Variants in SLC4A10 observed in about 807,000 individuals in gnomAD.
The protein encoded by SLC4A10 is sodium-driven chloride bicarbonate exchanger.
Under a neutral mutation model 137.7 loss-of-function variants are expected in SLC4A10, and 42 were observed. The observed-to-expected ratio is 0.30, with a 90% CI of 0.24 to 0.39. The LOEUF is 0.39. Among genes scored for constraint, SLC4A10 ranks in the 10% least tolerant of loss-of-function variants. SLC4A10 has a pLI of 1.00. For synonymous variants in SLC4A10, 474 were observed against 464.1 expected (o/e 1.02, Z -0.27); for missense variants, 925 against 1,355.0 (o/e 0.68, Z 4.98).
chr2:161,846,637 T>C (rs987825161), intron 4 of SLC4A10, among the ~76,000 whole-genome samples: 18 of 152,186 alleles, frequency 1.2e-4, no homozygotes, highest in Non-Finnish European at 8.8e-5. Context: ...AATATTACTC[T>C]GCAATAAAAA....
chr2:161,825,489 C>T (rs543348982), intron 3 of SLC4A10, among the ~76,000 whole-genome samples: 13 of 152,254 alleles, frequency 8.5e-5, no homozygotes, highest in African/African-American at 3.1e-4. Flanking sequence ...TCCTCTTCAT[C>T]CCCTAGGCAT....
intron 5 of SLC4A10, among the ~76,000 whole-genome samples, chr2:161,855,964 A>G (rs1261133119): frequency 6.6e-6 from 1 of 152,244 alleles, no homozygotes; most frequent in East Asian, 1.9e-4. Flanking sequence ...GTAGAGATGA[A>G]AAACTATATG....
chr2:161,731,501 T>TAAC (rs2046820078), intron 1 of SLC4A10, among the ~76,000 whole-genome samples: 1 of 152,202 alleles, frequency 6.6e-6, no homozygotes, highest in Non-Finnish European at 1.5e-5. Flanking sequence ...AGGGACAGTT[T>TAAC]TCTTCATAGC....
chr2:161,799,351 A>G (rs1286455249), intron 2 of SLC4A10, among the ~76,000 whole-genome samples: 1 of 151,906 alleles, frequency 6.6e-6, no homozygotes, highest in Non-Finnish European at 1.5e-5. Flanking sequence ...TGCCTTCTCA[A>G]CTGATAGCTA....
At chr2:161,922,289 A>G (rs771132125) in intron 15 of SLC4A10, among the ~76,000 whole-genome samples, 2 of 152,166 alleles carry the variant, frequency 1.3e-5, no homozygotes, top group Non-Finnish European at 2.9e-5. Context: ...TTACAAAGCT[A>G]CGATGCATAT....
In SLC4A10 at chr2:161,976,960, T is replaced by C. The variant is rs147216613; in HGVS notation, c.3344+84T>C. On this transcript the variant is annotated intron_variant, in intron 25 of 26. Coordinates refer to ENST00000446997, the MANE Select transcript of SLC4A10 (RefSeq NM_001178015.2). The stretch of plus-strand genomic sequence containing the variant: ...CATAAGCAAAAGAATAATATTAGTT[T>C]CCATCAAATTTAGATATAAAATATT... 620 of 675,582 alleles carry C rather than the reference T, an allele frequency of 9.2e-4. 2 individuals carry two copies. In the African/African-American group the frequency reaches 0.01, roughly 11 times the overall value. The allele number at this position is 675,582 out of a possible 1,614,324, so 41.8% of individuals were successfully genotyped here.
intron 10 of SLC4A10, among the ~76,000 whole-genome samples, chr2:161,888,812 C>T (rs2062602396): frequency 6.6e-6 from 1 of 152,110 alleles, no homozygotes. Context: ...CCAGAACTTC[C>T]AATACTATGT....
chr2:161,901,065 TCTC>T, intron 12 of SLC4A10, 54 bp downstream of exon 12: 1 of 1,314,478 alleles, frequency 7.6e-7, no homozygotes, highest in Admixed American at 2.0e-5. Context: ...ATACCATTCT[TCTC>T]TGTCAGAAAT....
chr2:161,653,737 G>T (rs2037137034), intron 1 of SLC4A10, among the ~76,000 whole-genome samples: 4 of 152,170 alleles, frequency 2.6e-5, no homozygotes, highest in Admixed American at 2.6e-4. Context: ...TCTTTTTAAA[G>T]ACTGAGTATT....
In SLC4A10 at chr2:161,655,541, C is replaced by T. The variant is rs138181159; in HGVS notation, c.48+30975C>T. On this transcript the variant is annotated intron_variant, in intron 1 of 26. Coordinates refer to ENST00000446997, the MANE Select transcript of SLC4A10 (RefSeq NM_001178015.2). Reference sequence around the variant, plus strand: ...TATGTCAAGAAGATTAAATTAGTCACCAAAAACCTCCCAATGAAAAGCCCA... The same window carrying T: ...TATGTCAAGAAGATTAAATTAGTCATCAAAAACCTCCCAATGAAAAGCCCA... 7.7e-4 allele frequency among the ~76,000 whole-genome samples: 117 copies of T among 152,198 alleles called. 3 individuals are homozygous for T. In the East Asian group the frequency reaches 0.021, roughly 27 times the overall value.
chr2:161,791,181 G>C (rs576210052), intron 2 of SLC4A10, among the ~76,000 whole-genome samples: 382 of 152,250 alleles, frequency 2.5e-3, no homozygotes, highest in African/African-American at 8.8e-3. Context: ...GTTCATTGTA[G>C]TGCTATTCAC....
rs80177923 is a variant in SLC4A10 at position 161,870,298 on chromosome 2, A to T, written c.767-1995A>T. 7.7e-3 allele frequency among the ~76,000 whole-genome samples: 1,173 copies of T among 151,716 alleles called. 58 individuals are homozygous for T. In the East Asian group the frequency reaches 0.13, roughly 17 times the overall value. The stretch of plus-strand genomic sequence containing the variant: ...AAACATAAGGTATTCAATTTCTTCA[A>T]ATGTTAAGTTCCGCATATTTTCTAT... On this transcript the variant is annotated intron_variant, in intron 6 of 26. Coordinates refer to ENST00000446997, the MANE Select transcript of SLC4A10 (RefSeq NM_001178015.2).
rs143723827 is a variant in SLC4A10, at chr2:161,766,902, A to T, written c.49-4071A>T. On this transcript the variant is annotated intron_variant, in intron 1 of 26. Transcript: ENST00000446997. Reference sequence around the variant, plus strand: ...ACACTTAGCCCTGATCTGTCTCAGCATATGTTGTCAGAAAGATATAAGACC... The same window carrying T: ...ACACTTAGCCCTGATCTGTCTCAGCTTATGTTGTCAGAAAGATATAAGACC... Among the ~76,000 whole-genome samples the T allele has an allele frequency of 5.3e-5, 8 of 151,176 alleles. No individual in the cohort carries two copies. The East Asian group carries it at 1.6e-3, about 30-fold the overall frequency.
chr2:161,773,127 C>A (rs2051859032), intron 2 of SLC4A10, among the ~76,000 whole-genome samples: 1 of 151,884 alleles, frequency 6.6e-6, no homozygotes, highest in South Asian at 2.1e-4. Flanking sequence ...GCTCCAGAGA[C>A]TGGGAAGTCC....
At chr2:161,714,491 A>G (rs774096630) in intron 1 of SLC4A10, among the ~76,000 whole-genome samples, 7 of 151,958 alleles carry the variant, frequency 4.6e-5, no homozygotes, top group Non-Finnish European at 8.8e-5. Flanking sequence ...GGAGAATTCA[A>G]TATTCCTCCA....
At chr2:161,663,001 C>T (rs564803968) in intron 1 of SLC4A10, among the ~76,000 whole-genome samples, 3 of 152,170 alleles carry the variant, frequency 2.0e-5, no homozygotes, top group South Asian at 2.1e-4. Context: ...TATTGTCCAC[C>T]CCCCTTCCCC....
intron 23 of SLC4A10, among the ~76,000 whole-genome samples, chr2:161,972,035 A>G (rs1234329295): frequency 6.6e-6 from 1 of 152,060 alleles, no homozygotes; most frequent in East Asian, 1.9e-4. Flanking sequence ...CTGCCAGGTA[A>G]CCTAAGCACT....
intron 5 of SLC4A10, among the ~76,000 whole-genome samples, chr2:161,858,735 A>G (rs2060239478): frequency 1.3e-5 from 2 of 152,168 alleles, no homozygotes; most frequent in Non-Finnish European, 2.9e-5. Context: ...CTTTAACCTA[A>G]TTCTGTCAAT....
intron 1 of SLC4A10, among the ~76,000 whole-genome samples, chr2:161,753,205 C>T (rs2049185588): frequency 6.6e-6 from 1 of 152,014 alleles, no homozygotes; most frequent in African/African-American, 2.4e-5. Context: ...CAGATATACT[C>T]TCTCTTTTCA....
Sources: allele counts gnomAD v4.1 joint callset (sites outside exome capture counted in the v4.1 genomes callset), GRCh38; gene constraint gnomAD v4.1.1; transcripts MANE v1.5; gene names NCBI Gene and HGNC (gene_info 2026-07-23, HGNC 2026-07-21).